The following TFB2M variants were observed in gnomAD, a reference collection of about 807,000 sequenced individuals.
TFB2M encodes the protein transcription factor B2, mitochondrial.
A neutral mutation model predicts 41.3 loss-of-function variants in TFB2M; 44 were observed. The observed-to-expected ratio is 1.07, with a 90% confidence interval of 0.84 to 1.37. The LOEUF is 1.37. TFB2M is among the 40% of genes most tolerant of loss of function. The pLI, the probability that TFB2M is intolerant of heterozygous loss-of-function variation, is 0.00. For synonymous variants in TFB2M, 188 were observed against 176.8 expected (o/e 1.06, Z -0.50); for missense variants, 496 against 490.2 (o/e 1.01, Z -0.11).
At chr1:246,558,740 T>A (rs899571899) in intron 2 of TFB2M, among the ~76,000 whole-genome samples, 16 of 136,120 alleles carry the variant, frequency 1.2e-4, no homozygotes, top group Admixed American at 1.1e-3. Context: ...ACTTAGCTCA[T>A]CTCCATAATT....
chr1:246,545,061 TC>T (rs34196327), intron 6 of TFB2M, among the ~76,000 whole-genome samples: 44,856 of 148,034 alleles, frequency 0.3, 7,358 homozygotes, highest in East Asian at 0.69. Flanking sequence ...CGCCTCGGCC[TC>T]CCCAAAGTGC....
In TFB2M at chr1:246,566,086, G is replaced by T. The variant is rs1212854420; in HGVS notation, c.53C>A (p.Ala18Glu). The T allele has an allele frequency of 1.2e-6, 2 of 1,612,980 alleles. No individual in the cohort carries two copies. Among genetic ancestry groups the T allele is most frequent in the Admixed American group, 1.7e-5 (1 of 60,020 alleles). ...TAAAATGCAAAAGCGACCAGCGCCC[G>T]CCAAGGCGGAGAGCCTCAGCCGCCG... is the stretch of plus-strand genomic sequence containing the variant. ...LPRRLRLSAL[A>E]GAGRFCILGS... is the part of the protein sequence containing the mutation. Residue 18 changes from alanine (A) to glutamate (E), a missense_variant, in exon 1 of 8, where the codon GCG becomes GAG. Transcript: ENST00000366514.
At chr1:246,553,991 AAAT>A (rs1331936490) in intron 4 of TFB2M, among the ~76,000 whole-genome samples, 1 of 152,228 alleles carries the variant, frequency 6.6e-6, no homozygotes, top group Non-Finnish European at 1.5e-5. Flanking sequence ...GCCTAAGGAC[AAAT>A]ATTTAGATCA....
At chr1:246,548,802 T>C (rs1475465646) in intron 5 of TFB2M, among the ~76,000 whole-genome samples, 195 bp from the exon 6 acceptor site, 1 of 152,180 alleles carries the variant, frequency 6.6e-6, no homozygotes, top group Non-Finnish European at 1.5e-5. Context: ...GGATCAAAAG[T>C]CTACCCAAAT....
chr1:246,547,226 C>A (rs1659047182), intron 6 of TFB2M, among the ~76,000 whole-genome samples: 1 of 152,212 alleles, frequency 6.6e-6, no homozygotes, highest in South Asian at 2.1e-4. Context: ...TCGTGATCCA[C>A]CCACCTCGGC....
At chr1:246,551,348 C>T (rs1408490664) in intron 4 of TFB2M, 46 bp from the exon 5 acceptor site, 1 of 1,298,782 alleles carries the variant, frequency 7.7e-7, no homozygotes, top group Non-Finnish European at 1.1e-6. Context: ...CATCTATAAT[C>T]AATTAAAAAC....
intron 6 of TFB2M, 79 bp from the exon 7 acceptor site, chr1:246,544,760 T>C (rs1658953046): frequency 1.6e-6 from 2 of 1,289,666 alleles, no homozygotes; most frequent in Admixed American, 5.0e-5. Context: ...TCCTTCAAGC[T>C]ATCTGCTGAA....
intron 6 of TFB2M, 141 bp from the exon 7 acceptor site, chr1:246,544,822 T>C (rs1048514005): frequency 4.3e-6 from 3 of 701,790 alleles, no homozygotes; most frequent in East Asian, 3.2e-5. Flanking sequence ...TTTTCTTTCT[T>C]GGAGATAGAG....
intron 7 of TFB2M, among the ~76,000 whole-genome samples, chr1:246,544,171 T>C (rs747860436): frequency 6.6e-6 from 1 of 152,162 alleles, no homozygotes; most frequent in Non-Finnish European, 1.5e-5. Context: ...AGACAAGCAA[T>C]GAGAGGTAAG....
chr1:246,547,205 GA>G (rs1246812485), intron 6 of TFB2M, among the ~76,000 whole-genome samples: 4 of 152,012 alleles, frequency 2.6e-5, no homozygotes, highest in African/African-American at 9.7e-5. Flanking sequence ...GCTGGTCTCA[GA>G]CTCTTGACCT....
In TFB2M at chr1:246,561,195, A is replaced by ATGG. The variant is rs1170020524; in HGVS notation, c.402+3150_402+3151insCCA. Among the ~76,000 whole-genome samples, 200 of 152,370 alleles carry ATGG rather than the reference A, an allele frequency of 1.3e-3. 1 individual carries two copies. Among genetic ancestry groups the ATGG allele is most frequent in the African/African-American group, 4.6e-3 (191 of 41,592 alleles). ...TATTTGAATGGCTTTTCAATTTATC[A>ATGG]TAACAATGGTTACTAAAAAGTGAGA... On this transcript the variant is annotated intron_variant, in intron 2 of 7. Coordinates refer to ENST00000366514, the MANE Select transcript of TFB2M (RefSeq NM_022366.3).
At position 246,548,525 on chromosome 1, in the gene TFB2M, A is replaced by C. The variant is rs1185463181; in HGVS notation, c.858+20T>G. On this transcript the variant is annotated intron_variant, in intron 6 of 7. Coordinates refer to ENST00000366514, the MANE Select transcript of TFB2M (RefSeq NM_022366.3). ...ACGTCACGTAGGGAGAAAAAGGAAA[A>C]GGTATTATTTTATTCTTACCCTACG... 4 of 1,600,270 alleles carry C rather than the reference A, an allele frequency of 2.5e-6. No homozygotes were observed. Among genetic ancestry groups the C allele is most frequent in the Non-Finnish European group, 2.6e-6 (3 of 1,173,180 alleles).
At chr1:246,565,763 G>A (rs1659638009) in intron 1 of TFB2M, 63 bp downstream of exon 1, 23 of 1,526,920 alleles carry the variant, frequency 1.5e-5, no homozygotes, top group Non-Finnish European at 1.9e-5. Flanking sequence ...AGCACCCCGA[G>A]GAGGGTCAAT....
Position 246,541,186 on chromosome 1 carries a change from C to A in TFB2M, c.1036G>T (p.Asp346Tyr), listed in dbSNP as rs1408608069. Residue 346 changes from aspartate to tyrosine, a missense_variant, in exon 8 of 8, where the codon GAT becomes TAT. Physicochemically the swap from Asp to Tyr is radical, Grantham distance 160 (BLOSUM62 -3). Coordinates refer to ENST00000366514, the MANE Select transcript of TFB2M (RefSeq NM_022366.3). ...ATTTGCATCAATATATCTCTCGCAT[C>A]AAGTGGAGTCAATGAACTGCAAAAG... is the stretch of plus-strand genomic sequence containing the variant. The part of the protein sequence containing the change: ...IDHLRSLTPL[D>Y]ARDILMQIGK... The A allele has an allele frequency of 6.2e-7, 1 of 1,613,544 alleles. No individual in the cohort carries two copies. Among genetic ancestry groups the A allele is most frequent in the South Asian group, 1.1e-5 (1 of 90,918 alleles).
chr1:246,556,803 G>A, intron 3 of TFB2M, 82 bp from the exon 4 acceptor site: 1 of 1,106,054 alleles, frequency 9.0e-7, no homozygotes. Context: ...GACAAACTAA[G>A]TTAACAAACT....
At chr1:246,542,318 C>T (rs917723510) in intron 7 of TFB2M, among the ~76,000 whole-genome samples, 18 of 151,254 alleles carry the variant, frequency 1.2e-4, no homozygotes, top group Admixed American at 9.3e-4. Context: ...ATATGAGGTA[C>T]ATAACTGTGT....
intron 5 of TFB2M, 27 bp downstream of exon 5, chr1:246,551,186 G>GACAGAAGGA: frequency 6.3e-7 from 1 of 1,586,190 alleles, no homozygotes; most frequent in African/African-American, 1.3e-5. Flanking sequence ...AAAGAAAAAC[G>GACAGAAGGA]TTTTTAAACA....
At chr1:246,564,910 C>A (rs1659570857) in intron 1 of TFB2M, among the ~76,000 whole-genome samples, 1 of 152,190 alleles carries the variant, frequency 6.6e-6, no homozygotes, top group Admixed American at 6.5e-5. Context: ...GAACTCCTGA[C>A]CTCAAGGGAA....
chr1:246,554,043 T>C (rs1311757568), intron 4 of TFB2M, among the ~76,000 whole-genome samples: 1 of 152,140 alleles, frequency 6.6e-6, no homozygotes, highest in African/African-American at 2.4e-5. Context: ...CGCGTACACA[T>C]ATGGTCAAAT....
Sources: gnomAD v4.1 joint callset for allele counts (sites outside exome capture counted in the v4.1 genomes callset) on GRCh38, gnomAD v4.1.1 for gene constraint, MANE v1.5 for transcripts, NCBI Gene and HGNC (gene_info 2026-07-23, HGNC 2026-07-21) for gene names.